PPP1R16A: variants seen among roughly 807,000 people sequenced by gnomAD.
PPP1R16A encodes the protein myosin phosphatase-targeting subunit 3.
In PPP1R16A, 39 loss-of-function variants were observed where a neutral mutation model predicts 46.6. The ratio of observed to expected loss-of-function variants is 0.84; its 90% CI spans 0.65 to 1.09. The LOEUF is 1.09. Among genes scored for constraint, PPP1R16A ranks in the 50% least tolerant of loss-of-function variants. The pLI, the probability that PPP1R16A is intolerant of heterozygous loss-of-function variation, is 0.00. For synonymous variants in PPP1R16A, 413 were observed against 321.5 expected (o/e 1.28, Z -3.04); for missense variants, 798 against 735.6 (o/e 1.08, Z -0.98).
chr8:144,486,964 T>C lies in PPP1R16A; in HGVS notation c.-913-3070T>C, dbSNP rs568491938. On this transcript the variant is annotated intron_variant, in intron 1 of 11. Coordinates refer to ENST00000435887, the MANE Select transcript of PPP1R16A (RefSeq NM_001329443.2). ...CTTTACGTTAGATTTGCATTTCACCTGGGGTGGGGGTCAAGATTCTTTTCT... is the reference window on the plus strand; with the variant it reads ...CTTTACGTTAGATTTGCATTTCACCCGGGGTGGGGGTCAAGATTCTTTTCT... Among the ~76,000 whole-genome samples the C allele has an allele frequency of 3.9e-5, 6 of 152,320 alleles. No individual in the cohort carries two copies. In the South Asian group the frequency reaches 1.2e-3, roughly 32 times the overall value.
rs1208040782 is a variant in PPP1R16A at position 144,493,026 on chromosome 8, G to A, written c.-735+2814G>A. Among the ~76,000 whole-genome samples the A allele has an allele frequency of 6.6e-6, 1 of 152,162 alleles. No individual in the cohort carries two copies. Among genetic ancestry groups the A allele is most frequent in the African/African-American group, 2.4e-5 (1 of 41,450 alleles). ...GAAGATGGGGTGATGGCAGGTGCCT[G>A]AGGCAGTGATGGGAGTAGAGAGGGC... On this transcript the variant is annotated intron_variant, in intron 2 of 11. Coordinates refer to ENST00000435887, the MANE Select transcript of PPP1R16A (RefSeq NM_001329443.2). The surrounding 1 kb of genome is among the most constrained non-coding windows in gnomAD (Gnocchi z 4.3).
intron 1 of PPP1R16A, among the ~76,000 whole-genome samples, chr8:144,487,668 CA>C (rs1825668577): frequency 6.6e-6 from 1 of 152,336 alleles, no homozygotes; most frequent in Admixed American, 6.5e-5. Context: ...CCTCATCTGG[CA>C]ATTTTCTGGA....
chr8:144,483,621 G>A (rs994580213), intron 1 of PPP1R16A, among the ~76,000 whole-genome samples: 1 of 151,720 alleles, frequency 6.6e-6, no homozygotes. Flanking sequence ...GGTCAGGCTG[G>A]TCTCGAACTC....
At chr8:144,492,526 G>A (rs1014912129) in intron 2 of PPP1R16A, among the ~76,000 whole-genome samples, 17 of 152,036 alleles carry the variant, frequency 1.1e-4, no homozygotes, top group African/African-American at 3.9e-4. Context: ...TAGTAGAGAT[G>A]GGGTTTTACC....
intron 5 of PPP1R16A, chr8:144,499,888 T>C (rs1441062797): frequency 8.7e-6 from 5 of 573,110 alleles, no homozygotes; most frequent in East Asian, 2.9e-5. Flanking sequence ...CCTGGATGGA[T>C]AGAGACTGCA....
In PPP1R16A at chr8:144,493,984, T is replaced by A. The variant is rs1825927540; in HGVS notation, c.-734-2477T>A. Among the ~76,000 whole-genome samples the A allele has an allele frequency of 6.6e-6, 1 of 152,070 alleles. No individual in the cohort carries two copies. Among genetic ancestry groups the A allele is most frequent in the East Asian group, 1.9e-4 (1 of 5,196 alleles). ...TGTCCAGCTGCTGTTCTCTGATGAA[T>A]TTTCACGGATGTGCCTCGGAATGAG... On this transcript the variant is annotated intron_variant, in intron 2 of 11. Coordinates refer to ENST00000435887, the MANE Select transcript of PPP1R16A (RefSeq NM_001329443.2). The surrounding 1 kb of genome is among the most constrained non-coding windows in gnomAD (Gnocchi z 4.3).
intron 10 of PPP1R16A, 25 bp from the exon 11 acceptor site, chr8:144,501,100 CCTCA>C (rs750682428): frequency 1.2e-6 from 2 of 1,606,110 alleles, no homozygotes; most frequent in African/African-American, 2.7e-5. Context: ...CTCCCCTTCC[CCTCA>C]CTCCCTCTCC....
At position 144,500,930 on chromosome 8, in the gene PPP1R16A, C is replaced by G; in HGVS notation, c.996C>G (p.Arg332=). The part of the protein sequence containing the change: ...DALLRAQSRQ[R]SLLRRRTSSA... The stretch of plus-strand genomic sequence containing the variant: ...TCCTGCGCGCCCAGAGCCGCCAGCG[C>G]TCCTTGCTGCGCCGCCGCACCTCCA... The change falls in exon 10 of 12, where the codon CGC becomes CGG. Residue 332 remains arginine, a synonymous_variant. Coordinates refer to ENST00000435887, the MANE Select transcript of PPP1R16A (RefSeq NM_001329443.2). The G allele has an allele frequency of 6.6e-7, 1 of 1,520,904 alleles. No homozygotes were observed. The highest frequency in any genetic ancestry group is 8.8e-7 in the Non-Finnish European group (1 of 1,138,974). 94.2% of individuals were successfully genotyped at this position (1,520,904 alleles called of 1,614,324 possible). A position where few individuals can be genotyped will look rare whatever the true frequency, so the allele number is the denominator to read the frequency against.
intron 2 of PPP1R16A, among the ~76,000 whole-genome samples, chr8:144,491,689 G>T (rs775968300): frequency 1.4e-4 from 22 of 151,946 alleles, no homozygotes; most frequent in Non-Finnish European, 2.9e-4. Context: ...CATGAACCTG[G>T]GAGGCGGAGC....
chr8:144,492,653 G>A (rs1404564813), intron 2 of PPP1R16A, among the ~76,000 whole-genome samples: 1 of 151,982 alleles, frequency 6.6e-6, no homozygotes, highest in Non-Finnish European at 1.5e-5. Context: ...TAAGTTTGGA[G>A]GTGCACCTTA....
At chr8:144,482,894 C>T (rs1157980770) in intron 1 of PPP1R16A, among the ~76,000 whole-genome samples, 1 of 152,204 alleles carries the variant, frequency 6.6e-6, no homozygotes, top group Non-Finnish European at 1.5e-5. Flanking sequence ...GGTCCACCCG[C>T]CTCAGCCTCC....
rs556491398 is a variant in PPP1R16A at position 144,486,485 on chromosome 8, G to A, written c.-913-3549G>A. On this transcript the variant is annotated intron_variant, in intron 1 of 11. Coordinates refer to ENST00000435887, the MANE Select transcript of PPP1R16A (RefSeq NM_001329443.2). ...CACACTGCTCTCCAGAGTGGTGGCT[G>A]TTTTATTTCACAGGTTTTCATCAGC... Among the ~76,000 whole-genome samples, 10 of 152,324 alleles carry A rather than the reference G, an allele frequency of 6.6e-5. No individual in the cohort carries two copies. The East Asian group carries it at 1.9e-3, about 29-fold the overall frequency.
rs774356672 is a variant in PPP1R16A at position 144,500,175 on chromosome 8, C to T, written c.556C>T (p.Leu186=). 1.2e-5 allele frequency: 20 copies of T among 1,610,900 alleles called. 1 individual carries two copies. The South Asian group carries it at 2.0e-4, about 16-fold the overall frequency. The change falls in exon 6 of 12, where the codon CTG becomes TTG. Residue 186 remains leucine (L), a synonymous_variant. Coordinates refer to ENST00000435887, the MANE Select transcript of PPP1R16A (RefSeq NM_001329443.2). ...LCDDEQTLDC[L]ETAMADRGIT... The stretch of plus-strand genomic sequence containing the variant: ...TGATGATGAGCAGACGCTGGACTGC[C>T]TGGAGACTGCCATGGCCGACCGTGG...
Position 144,491,627 on chromosome 8 carries a change from G to A in PPP1R16A, c.-735+1415G>A, listed in dbSNP as rs559206935. 3.9e-4 allele frequency among the ~76,000 whole-genome samples: 60 copies of A among 152,266 alleles called. 1 individual carries two copies. Among genetic ancestry groups the A allele is most frequent in the Middle Eastern group, 3.4e-3 (1 of 294 alleles). ...AAATACAAAAAATTAGCTGGGTGTGGTGGCAGGCGCCTGTAGTTCCAGCTA... is the reference window on the plus strand; with the variant it reads ...AAATACAAAAAATTAGCTGGGTGTGATGGCAGGCGCCTGTAGTTCCAGCTA... On this transcript the variant is annotated intron_variant, in intron 2 of 11. Coordinates refer to ENST00000435887, the MANE Select transcript of PPP1R16A (RefSeq NM_001329443.2).
chr8:144,500,143 A>C lies in PPP1R16A; in HGVS notation c.524A>C (p.Asp175Ala), dbSNP rs752946344. The change falls in exon 6 of 12, where the codon GAC (aspartate) becomes GCC (alanine). Residue 175 changes from aspartate (D) to alanine (A), a missense_variant. Physicochemically the swap from Asp to Ala is moderately radical, Grantham distance 126 (BLOSUM62 -2). Coordinates refer to ENST00000435887, the MANE Select transcript of PPP1R16A (RefSeq NM_001329443.2). ...AACACCGACGGGAACATGCCCTATG[A>C]CCTGTGTGATGATGAGCAGACGCTG... ...AVNTDGNMPY[D>A]LCDDEQTLDC... 1 of 1,612,382 alleles carries C rather than the reference A, an allele frequency of 6.2e-7. No individual in the cohort carries two copies. Among genetic ancestry groups the C allele is most frequent in the Non-Finnish European group, 8.5e-7 (1 of 1,179,406 alleles).
At chr8:144,488,073 G>T (rs1373334354) in intron 1 of PPP1R16A, among the ~76,000 whole-genome samples, 2 of 152,224 alleles carry the variant, frequency 1.3e-5, no homozygotes, top group Admixed American at 6.5e-5. Flanking sequence ...CTATTCTGTT[G>T]TTCAGTTCTA....
intron 1 of PPP1R16A, among the ~76,000 whole-genome samples, chr8:144,485,105 C>T (rs1825586823): frequency 1.3e-5 from 2 of 150,046 alleles, no homozygotes; most frequent in African/African-American, 2.5e-5. Context: ...AGTCAGCCCC[C>T]TCAGAGGTGG....
At position 144,497,083 on chromosome 8, in the gene PPP1R16A, A is replaced by G; in HGVS notation, c.-112A>G. On this transcript the variant is annotated 5_prime_UTR_variant, in exon 3 of 12. It removes an upstream start codon present in the reference 5' UTR. Coordinates refer to ENST00000435887, the MANE Select transcript of PPP1R16A (RefSeq NM_001329443.2). The stretch of plus-strand genomic sequence containing the variant: ...AAGGGCACGAAGCTCTGGGAAGGGG[A>G]TGCCCCCGAGGGTGCCAGTCCAGCT... The G allele has an allele frequency of 7.2e-7, 1 of 1,395,006 alleles. No individual in the cohort carries two copies. The highest frequency in any genetic ancestry group is 9.7e-7 in the Non-Finnish European group (1 of 1,026,778). 86.4% of individuals were successfully genotyped at this position (1,395,006 alleles called of 1,614,324 possible). A position where few individuals can be genotyped will look rare whatever the true frequency, so the allele number is the denominator to read the frequency against.
chr8:144,499,954 G>C, intron 5 of PPP1R16A, 142 bp from the exon 6 acceptor site: 2 of 764,866 alleles, frequency 2.6e-6, no homozygotes, highest in Non-Finnish European at 4.2e-6. Flanking sequence ...CCCCAAGGCT[G>C]CCTCTCCCAG....
Sources: gnomAD v4.1 joint callset for allele counts (sites outside exome capture counted in the v4.1 genomes callset) on GRCh38, gnomAD v4.1.1 for gene constraint, Gnocchi (gnomAD v3.1) non-coding constraint, MANE v1.5 for transcripts, NCBI Gene and HGNC (gene_info 2026-07-23, HGNC 2026-07-21) for gene names.